Variants in QRFPR observed in about 807,000 individuals in gnomAD.
QRFPR encodes the protein pyroglutamylated RFamide peptide receptor.
A neutral mutation model predicts 31.3 loss-of-function variants in QRFPR; 37 were observed. The observed-to-expected ratio is 1.18, with a 90% CI of 0.91 to 1.56. The LOEUF is 1.56. Among genes scored for constraint, QRFPR ranks in the 40% most tolerant of loss-of-function variants. The pLI, the probability that QRFPR is intolerant of heterozygous loss-of-function variation, is 0.00. For synonymous variants in QRFPR, 197 were observed against 192.0 expected, an observed-to-expected ratio of 1.03 and a Z score of -0.22; for missense variants, 542 against 532.5, an observed-to-expected ratio of 1.02 and a Z score of -0.18.
intron 1 of QRFPR, among the ~76,000 whole-genome samples, chr4:121,354,854 A>C (rs1417585562): frequency 6.6e-6 from 1 of 152,076 alleles, no homozygotes; most frequent in Non-Finnish European, 1.5e-5. Context: ...CATAGTGTTG[A>C]TATGATGTAC....
chr4:121,365,666 T>TATATAA (rs1364817068), intron 1 of QRFPR, among the ~76,000 whole-genome samples: 1 of 29,514 alleles, frequency 3.4e-5, no homozygotes, highest in Non-Finnish European at 5.2e-5. Context: ...TATATATATT[T>TATATAA]TATATATTAT....
intron 1 of QRFPR, among the ~76,000 whole-genome samples, chr4:121,360,123 T>C (rs1159759182): frequency 6.6e-6 from 1 of 152,304 alleles, no homozygotes; most frequent in South Asian, 2.1e-4. Context: ...TTTCAGTAAC[T>C]GTGTTTACTA....
At chr4:121,371,335 G>C (rs2110484369) in intron 1 of QRFPR, among the ~76,000 whole-genome samples, 1 of 152,266 alleles carries the variant, frequency 6.6e-6, no homozygotes, top group East Asian at 1.9e-4. Context: ...GGCATAAAAT[G>C]AAACAAATAG....
chr4:121,338,232 A>G (rs559077703), intron 2 of QRFPR, among the ~76,000 whole-genome samples: 1 of 152,086 alleles, frequency 6.6e-6, no homozygotes, highest in Non-Finnish European at 1.5e-5. Context: ...ACATATAGTT[A>G]TCTTATGTCC....
chr4:121,333,564 T>C (rs755551391), intron 3 of QRFPR, among the ~76,000 whole-genome samples: 20 of 152,196 alleles, frequency 1.3e-4, no homozygotes, highest in Non-Finnish European at 2.4e-4. Context: ...TCAGATTGCT[T>C]AGAAAGATAT....
intron 3 of QRFPR, among the ~76,000 whole-genome samples, chr4:121,336,183 G>A (rs184638328): frequency 5.7e-4 from 86 of 152,138 alleles, no homozygotes; most frequent in Non-Finnish European, 9.1e-4. Context: ...CTCCTGTCTG[G>A]GTAGATCACC....
At position 121,359,294 on chromosome 4, in the gene QRFPR, G is replaced by A. The variant is rs535730240; in HGVS notation, c.341-18684C>T. Among the ~76,000 whole-genome samples, 3 of 152,274 alleles carry A rather than the reference G, an allele frequency of 2.0e-5. No homozygotes were observed. The East Asian group carries it at 5.8e-4, about 29-fold the overall frequency. On this transcript the variant is annotated intron_variant, in intron 1 of 5. Transcript: ENST00000394427. ...ACTTGATTGGATTGAAGGATGCAAAGTACTCTCCCTGGGTGTCTTTGTGAG... is the reference window on the plus strand; with the variant it reads ...ACTTGATTGGATTGAAGGATGCAAAATACTCTCCCTGGGTGTCTTTGTGAG...
intron 1 of QRFPR, among the ~76,000 whole-genome samples, chr4:121,365,969 G>T (rs1246900980): frequency 1.4e-5 from 2 of 148,024 alleles, no homozygotes; most frequent in Non-Finnish European, 3.0e-5. Context: ...TAGTCAGTGT[G>T]CAAGAGTCAA....
At chr4:121,353,222 G>GATGTATACT (rs1560739377) in intron 1 of QRFPR, among the ~76,000 whole-genome samples, 1 of 152,014 alleles carries the variant, frequency 6.6e-6, no homozygotes, top group Non-Finnish European at 1.5e-5. Flanking sequence ...CTTTCTTTTG[G>GATGTATACT]ATGTATACTC....
At chr4:121,353,944 A>C (rs1038529142) in intron 1 of QRFPR, among the ~76,000 whole-genome samples, 4 of 152,048 alleles carry the variant, frequency 2.6e-5, no homozygotes, top group African/African-American at 9.7e-5. Context: ...CCAGTTTTCC[A>C]GCATCACTTA....
intron 1 of QRFPR, among the ~76,000 whole-genome samples, chr4:121,365,665 T>TATATATATAATATATATA (rs1560744329): frequency 1.1e-4 from 2 of 19,028 alleles, no homozygotes; most frequent in African/African-American, 2.5e-4. Context: ...TTATATATAT[T>TATATATATAATATATATA]TTATATATTA....
At chr4:121,356,622 G>A (rs936783631) in intron 1 of QRFPR, among the ~76,000 whole-genome samples, 3 of 152,178 alleles carry the variant, frequency 2.0e-5, no homozygotes, top group African/African-American at 7.2e-5. Context: ...AGTCTTATCA[G>A]TACTAGGGGG....
chr4:121,340,486 C>A lies in QRFPR; in HGVS notation c.465G>T (p.Trp155Cys). 3.1e-6 allele frequency: 5 copies of A among 1,614,050 alleles called. No individual in the cohort carries two copies. The highest frequency in any genetic ancestry group is 4.2e-6 in the Non-Finnish European group (5 of 1,179,964). ...TGAAAGCCCTTCGGTTGGTGTATTG[C>A]CACTTCATTTTAAAAGGATGCACAA... ...QGLVHPFKMK[W>C]QYTNRRAFTM... Residue 155 changes from tryptophan (W) to cysteine (C), a missense_variant, in exon 2 of 6, where the codon TGG becomes TGT. Physicochemically the swap from Trp to Cys is radical, Grantham distance 215. Coordinates refer to ENST00000394427, the MANE Select transcript of QRFPR (RefSeq NM_198179.3).
rs542268670 is a variant in QRFPR at position 121,366,832 on chromosome 4, T to C, written c.340+13476A>G. Among the ~76,000 whole-genome samples the C allele has an allele frequency of 2.7e-5, 4 of 150,310 alleles. 1 individual carries two copies. The highest frequency in any genetic ancestry group is 9.8e-5 in the African/African-American group (4 of 40,704). ...TGAGGATAATATTATATTTGGCACATAGTAAGCTCTATGTTAAGACTTTGG... is the reference window on the plus strand; with the variant it reads ...TGAGGATAATATTATATTTGGCACACAGTAAGCTCTATGTTAAGACTTTGG... On this transcript the variant is annotated intron_variant, in intron 1 of 5. Transcript: ENST00000394427.
intron 1 of QRFPR, among the ~76,000 whole-genome samples, chr4:121,342,072 CAGG>C (rs1442055249): frequency 6.6e-6 from 1 of 152,204 alleles, no homozygotes; most frequent in Non-Finnish European, 1.5e-5. Context: ...CAGTAGAAGA[CAGG>C]AGAAGATCCT....
intron 3 of QRFPR, among the ~76,000 whole-genome samples, chr4:121,333,521 G>A (rs528736666): frequency 7.2e-5 from 11 of 152,272 alleles, no homozygotes; most frequent in Middle Eastern, 6.8e-3. Flanking sequence ...TGAAAGCTGC[G>A]TTTTGTTACT....
At chr4:121,363,507 C>A (rs1726029100) in intron 1 of QRFPR, among the ~76,000 whole-genome samples, 1 of 149,846 alleles carries the variant, frequency 6.7e-6, no homozygotes, top group South Asian at 2.1e-4. Context: ...ATTTTAGGTT[C>A]CCCCAGCCCT....
At chr4:121,342,723 G>A (rs1725565927) in intron 1 of QRFPR, among the ~76,000 whole-genome samples, 1 of 151,682 alleles carries the variant, frequency 6.6e-6, no homozygotes, top group Non-Finnish European at 1.5e-5. Flanking sequence ...TTTCGCTGAT[G>A]TATTCCCAGC....
At chr4:121,376,772 C>T (rs1726361379) in intron 1 of QRFPR, among the ~76,000 whole-genome samples, 3 of 152,186 alleles carry the variant, frequency 2.0e-5, no homozygotes, top group Admixed American at 6.5e-5. Context: ...TTCAAAAGCC[C>T]TTCAGGAGAT....
Sources: allele counts gnomAD v4.1 joint callset (sites outside exome capture counted in the v4.1 genomes callset), GRCh38; gene constraint gnomAD v4.1.1; transcripts MANE v1.5; gene names NCBI Gene and HGNC (gene_info 2026-07-23, HGNC 2026-07-21).